Variants in PTPRT observed in about 807,000 individuals in gnomAD.
PTPRT encodes receptor-type tyrosine-protein phosphatase T.
Under a neutral mutation model 176.8 loss-of-function variants are expected in PTPRT, and 56 were observed. That is an observed-to-expected ratio of 0.32 (90% CI 0.26 to 0.40). The LOEUF (loss-of-function observed/expected upper bound fraction) is 0.40. Among genes scored for constraint, PTPRT ranks in the 10% least tolerant of loss-of-function variants. The probability of loss-of-function intolerance (pLI) is 1.00; values close to 1 mark genes in which losing one functional copy is unlikely to be tolerated. For missense variants in PTPRT, 1,540 were observed against 1,908.2 expected (o/e 0.81, Z 3.60); for synonymous variants, 783 against 739.0 (o/e 1.06, Z -0.96).
rs73906950 is a variant in PTPRT, at chr20:42,555,822, C to A, written c.1154-83260G>T. Reference sequence around the variant, plus strand: ...AATGTCCTAGACAAGGGCTGGTCCTCCCACCTGCTTGTGGAATGAGAAAAC... The same window carrying A: ...AATGTCCTAGACAAGGGCTGGTCCTACCACCTGCTTGTGGAATGAGAAAAC... On this transcript the variant is annotated intron_variant, in intron 7 of 30. Transcript: ENST00000373187. 5.1e-3 allele frequency among the ~76,000 whole-genome samples: 784 copies of A among 152,282 alleles called. 10 individuals are homozygous for A. The highest frequency in any genetic ancestry group is 0.018 in the African/African-American group (748 of 41,564).
At chr20:43,106,637 G>T (rs1168668790) in intron 1 of PTPRT, among the ~76,000 whole-genome samples, 1 of 116,054 alleles carries the variant, frequency 8.6e-6, no homozygotes, top group Admixed American at 1.2e-4. Context: ...AGCCCAGGCT[G>T]ACAACAGCGA....
At chr20:42,263,818 C>A (rs1011201586) in intron 13 of PTPRT, among the ~76,000 whole-genome samples, 1 of 151,872 alleles carries the variant, frequency 6.6e-6, no homozygotes, top group Non-Finnish European at 1.5e-5. Context: ...AGCCACCATA[C>A]CTGGCCTGAA....
chr20:42,246,000 G>A (rs954192731), intron 14 of PTPRT, among the ~76,000 whole-genome samples: 1 of 152,186 alleles, frequency 6.6e-6, no homozygotes, highest in Non-Finnish European at 1.5e-5. Flanking sequence ...CTGAGGAGAT[G>A]TTAACACTAG....
chr20:43,068,794 G>C (rs1461150169), intron 1 of PTPRT, among the ~76,000 whole-genome samples: 1 of 152,138 alleles, frequency 6.6e-6, no homozygotes, highest in African/African-American at 2.4e-5. Context: ...GAAGGTATAA[G>C]AAGAGGGTCA....
chr20:42,906,062 A>AT (rs1300658889), intron 1 of PTPRT, among the ~76,000 whole-genome samples: 9 of 152,032 alleles, frequency 5.9e-5, no homozygotes, highest in East Asian at 1.9e-4. Context: ...ATATATATAT[A>AT]AAAAAAAGAA....
At chr20:42,800,795 T>C (rs927260964) in intron 2 of PTPRT, among the ~76,000 whole-genome samples, 6 of 152,190 alleles carry the variant, frequency 3.9e-5, no homozygotes, top group Non-Finnish European at 8.8e-5. Flanking sequence ...CCTGTTAAAA[T>C]GGTGCCGTCT....
chr20:43,170,048 A>C (rs2014957747), intron 1 of PTPRT, among the ~76,000 whole-genome samples: 2 of 151,944 alleles, frequency 1.3e-5, no homozygotes, highest in African/African-American at 4.8e-5. Context: ...TCTATCTAGG[A>C]TCTCACCTGG....
intron 16 of PTPRT, among the ~76,000 whole-genome samples, chr20:42,190,746 CT>C (rs1161244575): frequency 6.6e-6 from 1 of 152,154 alleles, no homozygotes; most frequent in African/African-American, 2.4e-5. Context: ...AGAACCACTG[CT>C]TTGAGCAGAT....
chr20:43,071,225 G>A (rs1335931106), intron 1 of PTPRT, among the ~76,000 whole-genome samples: 4 of 151,640 alleles, frequency 2.6e-5, no homozygotes, highest in Admixed American at 6.6e-5. Context: ...TCTCCTTAGA[G>A]CAGGGTTCTC....
At chr20:42,458,103 T>C (rs1244650362) in intron 8 of PTPRT, among the ~76,000 whole-genome samples, 1 of 152,190 alleles carries the variant, frequency 6.6e-6, no homozygotes, top group Non-Finnish European at 1.5e-5. Context: ...AGTCTCAGCC[T>C]AGTCATCTCT....
rs73906967 is a variant in PTPRT, at chr20:42,586,517, C to A, written c.1153+91349G>T. ...AGCTCCCAAAGTGGGGACTCCTCCA[C>A]CAGAGCCTGCATTTTCCACTTTTTG... On this transcript the variant is annotated intron_variant, in intron 7 of 30. Transcript: ENST00000373187. Among the ~76,000 whole-genome samples the A allele has an allele frequency of 8.5e-3, 1,295 of 152,268 alleles. 12 individuals are homozygous for A. The highest frequency in any genetic ancestry group is 0.029 in the African/African-American group (1,211 of 41,546).
chr20:42,327,933 TA>T (rs959284923), intron 11 of PTPRT, among the ~76,000 whole-genome samples: 50 of 152,120 alleles, frequency 3.3e-4, no homozygotes, highest in Admixed American at 1.4e-3. Context: ...GTACAGCGGA[TA>T]AAAATGACAA....
intron 2 of PTPRT, among the ~76,000 whole-genome samples, chr20:42,885,076 T>G (rs1203588506): frequency 9.9e-5 from 15 of 151,048 alleles, no homozygotes. Context: ...GCGCTGCTGG[T>G]TAAGGACAAA....
chr20:42,325,892 C>T (rs1345185980), intron 11 of PTPRT, among the ~76,000 whole-genome samples: 2 of 152,184 alleles, frequency 1.3e-5, no homozygotes, highest in Admixed American at 1.3e-4. Flanking sequence ...TCCCTGAACA[C>T]CCCACACACG....
intron 6 of PTPRT, among the ~76,000 whole-genome samples, chr20:42,734,231 C>CA (rs2076504124): frequency 6.6e-6 from 1 of 152,150 alleles, no homozygotes. Context: ...TCATAGACCT[C>CA]TGGGACAGTA....
chr20:42,766,328 C>T (rs6124490), intron 5 of PTPRT, among the ~76,000 whole-genome samples: 1 of 152,180 alleles, frequency 6.6e-6, no homozygotes, highest in Non-Finnish European at 1.5e-5. Context: ...TACACTTCAC[C>T]TCAAGGAGAA....
intron 16 of PTPRT, among the ~76,000 whole-genome samples, chr20:42,167,444 C>T (rs1989877145): frequency 6.6e-6 from 1 of 152,154 alleles, no homozygotes; most frequent in South Asian, 2.1e-4. Context: ...TTGATCAAGT[C>T]ATTTTTCTTA....
intron 9 of PTPRT, among the ~76,000 whole-genome samples, chr20:42,388,606 T>C (rs2058767848): frequency 6.6e-6 from 1 of 152,144 alleles, no homozygotes. Flanking sequence ...GAATGGCGAT[T>C]ATTAAAAAGT....
chr20:43,081,691 C>T (rs1442428927), intron 1 of PTPRT, among the ~76,000 whole-genome samples: 1 of 152,174 alleles, frequency 6.6e-6, no homozygotes, highest in African/African-American at 2.4e-5. Context: ...TAGTCCAAGA[C>T]TGACTTTCTG....
Sources: allele counts gnomAD v4.1 joint callset (sites outside exome capture counted in the v4.1 genomes callset), GRCh38; gene constraint gnomAD v4.1.1; transcripts MANE v1.5; gene names NCBI Gene and HGNC (gene_info 2026-07-23, HGNC 2026-07-21).